RERE: variants seen among roughly 807,000 people sequenced by gnomAD.
RERE encodes the protein arginine-glutamic acid dipeptide repeats.
In RERE, 40 loss-of-function variants were observed where a neutral mutation model predicts 146.1. The observed-to-expected ratio is 0.27, with a 90% CI of 0.21 to 0.36. RERE has a LOEUF of 0.36. RERE is among the 10% of genes least tolerant of loss of function. The probability of loss-of-function intolerance (pLI) is 1.00; values close to 1 mark genes in which losing one functional copy is unlikely to be tolerated. For missense variants in RERE, 1,933 were observed against 2,138.7 expected (o/e 0.90, Z 1.90); for synonymous variants, 1,003 against 866.0 (o/e 1.16, Z -2.78).
chr1:8,456,303 T>C (rs1351265892), intron 11 of RERE, among the ~76,000 whole-genome samples: 2 of 152,152 alleles, frequency 1.3e-5, no homozygotes, highest in Admixed American at 6.5e-5. Context: ...ATAACAAGAG[T>C]AATGACTGCT....
chr1:8,451,240 G>C (rs938000805), intron 11 of RERE, among the ~76,000 whole-genome samples: 2 of 152,160 alleles, frequency 1.3e-5, no homozygotes, highest in African/African-American at 4.8e-5. Flanking sequence ...AGACTAGCCT[G>C]GCCAACATGG....
chr1:8,547,908 T>C (rs563447988), intron 6 of RERE, among the ~76,000 whole-genome samples: 1 of 152,286 alleles, frequency 6.6e-6, no homozygotes, highest in East Asian at 1.9e-4. Flanking sequence ...TGCACAAAGA[T>C]ATTCATTGCA....
At chr1:8,541,685 CCTTT>C (rs1423315820) in intron 6 of RERE, among the ~76,000 whole-genome samples, 1 of 151,922 alleles carries the variant, frequency 6.6e-6, no homozygotes, top group Non-Finnish European at 1.5e-5. Context: ...AAAAAATGAG[CCTTT>C]CTTCCTACTA....
chr1:8,417,427 A>G (rs1455445227), intron 12 of RERE, among the ~76,000 whole-genome samples: 1 of 152,250 alleles, frequency 6.6e-6, no homozygotes, highest in Non-Finnish European at 1.5e-5. Context: ...TTATTAAATT[A>G]AAAATTTAAA....
At chr1:8,368,558 G>C (rs547450471) in intron 12 of RERE, among the ~76,000 whole-genome samples, 1 of 151,842 alleles carries the variant, frequency 6.6e-6, no homozygotes, top group South Asian at 2.1e-4. Context: ...AAAAACGGGA[G>C]AGAAAAATCG....
intron 12 of RERE, among the ~76,000 whole-genome samples, chr1:8,375,822 A>T (rs115622229): frequency 1.1e-4 from 17 of 149,998 alleles, no homozygotes; most frequent in African/African-American, 3.3e-4. Flanking sequence ...CTGAAAATGC[A>T]TCCTCACTCA....
chr1:8,477,990 G>A (rs1037594398), intron 10 of RERE, among the ~76,000 whole-genome samples: 1 of 152,158 alleles, frequency 6.6e-6, no homozygotes, highest in African/African-American at 2.4e-5. Flanking sequence ...TAAGCAAAAA[G>A]CCTCTGGGCA....
At chr1:8,522,224 G>A (rs891930233) in intron 7 of RERE, among the ~76,000 whole-genome samples, 2 of 152,172 alleles carry the variant, frequency 1.3e-5, no homozygotes, top group Non-Finnish European at 2.9e-5. Flanking sequence ...TTTAGGAGAA[G>A]ATTTGTGAAT....
intron 10 of RERE, among the ~76,000 whole-genome samples, chr1:8,473,959 G>C (rs919542122): frequency 6.6e-6 from 1 of 152,316 alleles, no homozygotes; most frequent in African/African-American, 2.4e-5. Context: ...CTACACATCT[G>C]CAATTGTCTT....
At chr1:8,696,555 A>C (rs1434800263) in intron 1 of RERE, among the ~76,000 whole-genome samples, 2 of 152,126 alleles carry the variant, frequency 1.3e-5, no homozygotes, top group Non-Finnish European at 2.9e-5. Flanking sequence ...TGGAGGTTGC[A>C]ATGAGCTGAG....
At chr1:8,762,131 C>T (rs74050285) in intron 1 of RERE, among the ~76,000 whole-genome samples, 1 of 152,132 alleles carries the variant, frequency 6.6e-6, no homozygotes, top group African/African-American at 2.4e-5. Context: ...TCCAAGCAAC[C>T]TTGTGTAATC....
intron 4 of RERE, among the ~76,000 whole-genome samples, chr1:8,589,656 A>G (rs992190175): frequency 6.6e-6 from 1 of 152,226 alleles, no homozygotes; most frequent in Non-Finnish European, 1.5e-5. Flanking sequence ...GGAGAAAGGC[A>G]AACAAGAGTT....
At chr1:8,506,496 T>A (rs1645251583) in intron 8 of RERE, among the ~76,000 whole-genome samples, 1 of 152,242 alleles carries the variant, frequency 6.6e-6, no homozygotes, top group African/African-American at 2.4e-5. Context: ...AATTTAGAAA[T>A]GCTCAAAATC....
intron 10 of RERE, among the ~76,000 whole-genome samples, chr1:8,478,802 C>T (rs1434895501): frequency 6.6e-6 from 1 of 152,198 alleles, no homozygotes; most frequent in Non-Finnish European, 1.5e-5. Context: ...TGAGCAACAC[C>T]TTCCCTACTC....
At chr1:8,745,384 T>C (rs760084813) in intron 1 of RERE, among the ~76,000 whole-genome samples, 1 of 152,200 alleles carries the variant, frequency 6.6e-6, no homozygotes. Context: ...GGCTCAGGTA[T>C]TTCTTTATAG....
chr1:8,545,982 C>CTTTTTTTTTTTTTTTTTTTTTTTTTTTT (rs3050828), intron 6 of RERE, among the ~76,000 whole-genome samples: 2 of 69,478 alleles, frequency 2.9e-5, no homozygotes, highest in African/African-American at 1.2e-4. Flanking sequence ...CATACCCAGT[C>CTTTTTTTTTTTTTTTTTTTTTTTTTTTT]TTTTTTTTTT....
chr1:8,481,553 T>G (rs1443665849), intron 10 of RERE, among the ~76,000 whole-genome samples: 4 of 152,230 alleles, frequency 2.6e-5, no homozygotes, highest in Non-Finnish European at 5.9e-5. Flanking sequence ...ACTTGCCTCA[T>G]AGAATTGTTA....
intron 1 of RERE, among the ~76,000 whole-genome samples, chr1:8,785,841 C>T (rs1641250173): frequency 6.6e-6 from 1 of 152,122 alleles, no homozygotes; most frequent in Non-Finnish European, 1.5e-5. Context: ...AAGCTGGTCT[C>T]GAATTCCTGA....
chr1:8,575,834 A>G (rs1646288384), intron 4 of RERE, among the ~76,000 whole-genome samples: 1 of 152,072 alleles, frequency 6.6e-6, no homozygotes, highest in South Asian at 2.1e-4. Flanking sequence ...TGAATCTAAT[A>G]ATGAAGAAAT....
Sources: allele counts gnomAD v4.1 joint callset (sites outside exome capture counted in the v4.1 genomes callset), GRCh38; gene constraint gnomAD v4.1.1; transcripts MANE v1.5; gene names NCBI Gene and HGNC (gene_info 2026-07-23, HGNC 2026-07-21).